Variants in TGFB2 observed in about 807,000 individuals in gnomAD.
TGFB2 encodes the protein transforming growth factor beta 2.
In TGFB2, 13 loss-of-function variants were observed where a neutral mutation model predicts 42.7. The observed-to-expected ratio is 0.30, with a 90% CI of 0.20 to 0.48. The LOEUF (loss-of-function observed/expected upper bound fraction) is 0.48. TGFB2 is among the 20% of genes least tolerant of loss of function. The pLI, the probability that TGFB2 is intolerant of heterozygous loss-of-function variation, is 0.99. For missense variants in TGFB2, 390 were observed against 517.5 expected (o/e 0.75, Z 2.39); for synonymous variants, 193 against 193.6 (o/e 1.00, Z 0.03).
At chr1:218,379,487 C>CTTTTTT (rs59224313) in intron 1 of TGFB2, among the ~76,000 whole-genome samples, 22 of 133,344 alleles carry the variant, frequency 1.6e-4, no homozygotes, top group Non-Finnish European at 2.0e-4. Context: ...TTCTTTCTTT[C>CTTTTTT]TTTTTTTTTT....
chr1:218,361,658 G>C (rs1017837116), intron 1 of TGFB2, among the ~76,000 whole-genome samples: 6 of 152,186 alleles, frequency 3.9e-5, no homozygotes, highest in African/African-American at 7.2e-5. Context: ...TGTATTCTTT[G>C]AGATTTTTAT....
At chr1:218,427,833 C>T (rs2102619253) in intron 2 of TGFB2, among the ~76,000 whole-genome samples, 1 of 152,286 alleles carries the variant, frequency 6.6e-6, no homozygotes, top group Non-Finnish European at 1.5e-5. Context: ...ATTTATAATC[C>T]TTTGGGTATA....
Position 218,367,783 on chromosome 1 carries a change from A to C in TGFB2, c.346+20736A>C, listed in dbSNP as rs187246703. ...ACCTTTGGAAGAGAAAGGTGAAGAG[A>C]GGACGTTCATTTTTTTTCTTCTTCT... On this transcript the variant is annotated intron_variant, in intron 1 of 6. Coordinates refer to ENST00000366930, the MANE Select transcript of TGFB2 (RefSeq NM_003238.6). Among the ~76,000 whole-genome samples, 4 of 152,256 alleles carry C rather than the reference A, an allele frequency of 2.6e-5. No homozygotes were observed. In the East Asian group the frequency reaches 5.8e-4, roughly 22 times the overall value.
chr1:218,402,377 G>A (rs967610688), intron 1 of TGFB2, among the ~76,000 whole-genome samples: 1 of 152,186 alleles, frequency 6.6e-6, no homozygotes, highest in Non-Finnish European at 1.5e-5. Flanking sequence ...TACTTAACTA[G>A]CAAGCTACTC....
At chr1:218,382,200 C>T (rs1474951644) in intron 1 of TGFB2, among the ~76,000 whole-genome samples, 2 of 152,172 alleles carry the variant, frequency 1.3e-5, no homozygotes, top group African/African-American at 2.4e-5. Flanking sequence ...CTGCAGTGCT[C>T]AAAGCTGTCT....
chr1:218,393,584 T>C (rs1658389324), intron 1 of TGFB2, among the ~76,000 whole-genome samples: 2 of 152,092 alleles, frequency 1.3e-5, no homozygotes, highest in Admixed American at 1.3e-4. Context: ...ATGACTATTT[T>C]GCTCCCTGGA....
rs1030182630 is a variant in TGFB2, at chr1:218,357,281, C to T, written c.346+10234C>T. Reference sequence around the variant, plus strand: ...GATGAGATGAAGGGGAGGGGCTGGTCGAGAGTAACTGCAGAGGGTTTGAGG... The same window carrying T: ...GATGAGATGAAGGGGAGGGGCTGGTTGAGAGTAACTGCAGAGGGTTTGAGG... On this transcript the variant is annotated intron_variant, in intron 1 of 6. Transcript: ENST00000366930. 3.3e-5 allele frequency among the ~76,000 whole-genome samples: 5 copies of T among 150,646 alleles called. No homozygotes were observed. The East Asian group carries it at 5.8e-4, about 18-fold the overall frequency.
intron 1 of TGFB2, among the ~76,000 whole-genome samples, chr1:218,373,339 T>C (rs200655233): frequency 6.6e-6 from 1 of 152,048 alleles, no homozygotes; most frequent in African/African-American, 2.4e-5. Flanking sequence ...ATTTGGGTGG[T>C]GATGTTGATG....
intron 1 of TGFB2, among the ~76,000 whole-genome samples, chr1:218,369,124 A>G (rs1456568275): frequency 2.0e-5 from 3 of 151,808 alleles, no homozygotes; most frequent in Non-Finnish European, 4.4e-5. Context: ...GCATGGTGGC[A>G]TGCATCTGTA....
intron 1 of TGFB2, among the ~76,000 whole-genome samples, chr1:218,404,131 G>C (rs1402719556): frequency 6.7e-6 from 1 of 148,990 alleles, no homozygotes; most frequent in Non-Finnish European, 1.5e-5. Context: ...ATTGATATTT[G>C]AGATGGAACC....
chr1:218,379,467 TTTTC>T (rs1249926682), intron 1 of TGFB2, among the ~76,000 whole-genome samples: 6 of 124,484 alleles, frequency 4.8e-5, no homozygotes, highest in Non-Finnish European at 6.9e-5. Flanking sequence ...TTTTATTTCT[TTTTC>T]TTTCTTTCTT....
At chr1:218,403,060 G>A (rs1324896925) in intron 1 of TGFB2, among the ~76,000 whole-genome samples, 2 of 152,206 alleles carry the variant, frequency 1.3e-5, no homozygotes, top group African/African-American at 4.8e-5. Context: ...TGTGCTAGGG[G>A]GCTCCAAAAG....
intron 1 of TGFB2, among the ~76,000 whole-genome samples, chr1:218,364,189 A>C (rs1657310227): frequency 6.6e-6 from 1 of 152,128 alleles, no homozygotes; most frequent in Non-Finnish European, 1.5e-5. Context: ...TCGTTTGCTT[A>C]AGGAAATGGA....
chr1:218,407,863 G>C (rs968053516), intron 2 of TGFB2, among the ~76,000 whole-genome samples: 1 of 151,986 alleles, frequency 6.6e-6, no homozygotes, highest in Non-Finnish European at 1.5e-5. Context: ...AGAATAATAA[G>C]ACAAACTAGG....
At chr1:218,349,338 CA>C (rs200107435) in intron 1 of TGFB2, among the ~76,000 whole-genome samples, 1 of 150,952 alleles carries the variant, frequency 6.6e-6, no homozygotes, top group Non-Finnish European at 1.5e-5. Flanking sequence ...CAAACCCTTC[CA>C]AAAAAAAGGA....
At chr1:218,347,418 G>C (rs1324119225) in intron 1 of TGFB2, among the ~76,000 whole-genome samples, 2 of 152,148 alleles carry the variant, frequency 1.3e-5, no homozygotes, top group Non-Finnish European at 2.9e-5. Flanking sequence ...TGGTAGGTTT[G>C]TTTTCTTTGC....
At chr1:218,421,284 C>T (rs1233155636) in intron 2 of TGFB2, among the ~76,000 whole-genome samples, 1 of 151,600 alleles carries the variant, frequency 6.6e-6, no homozygotes, top group East Asian at 1.9e-4. Context: ...TATTAAATTG[C>T]TTATTCTGTC....
chr1:218,413,592 G>C (rs920603724), intron 2 of TGFB2, among the ~76,000 whole-genome samples: 1 of 152,220 alleles, frequency 6.6e-6, no homozygotes, highest in African/African-American at 2.4e-5. Flanking sequence ...GCAAGTGAAA[G>C]TACAGATGGT....
At chr1:218,424,968 A>C (rs1659573361) in intron 2 of TGFB2, among the ~76,000 whole-genome samples, 1 of 152,212 alleles carries the variant, frequency 6.6e-6, no homozygotes, top group Admixed American at 6.5e-5. Context: ...TTTAACAAGG[A>C]TGGTGACACA....
Sources: gnomAD v4.1 joint callset for allele counts (sites outside exome capture counted in the v4.1 genomes callset) on GRCh38, gnomAD v4.1.1 for gene constraint, MANE v1.5 for transcripts, NCBI Gene and HGNC (gene_info 2026-07-23, HGNC 2026-07-21) for gene names.